MARCHF1: variants seen among roughly 807,000 people sequenced by gnomAD.
MARCHF1 encodes E3 ubiquitin-protein ligase MARCHF1.
MARCHF1 carries 40 observed loss-of-function variants against 54.2 expected under a neutral mutation model. The observed-to-expected ratio is 0.74, with a 90% CI of 0.57 to 0.96. The LOEUF (loss-of-function observed/expected upper bound fraction) is 0.96. MARCHF1 is among the 40% of genes least tolerant of loss of function. The pLI, the probability that MARCHF1 is intolerant of heterozygous loss-of-function variation, is 0.00. For synonymous variants in MARCHF1, 236 were observed against 236.3 expected (o/e 1.00, Z 0.01); for missense variants, 586 against 656.5 (o/e 0.89, Z 1.17).
At chr4:163,585,589 A>G in intron 8 of MARCHF1, 160 bp downstream of exon 8, 1 of 471,882 alleles carries the variant, frequency 2.1e-6, no homozygotes. Context: ...ATTATCTGCA[A>G]ACACTTAGAT....
At chr4:164,069,885 A>G (rs976278459) in intron 2 of MARCHF1, among the ~76,000 whole-genome samples, 1 of 152,218 alleles carries the variant, frequency 6.6e-6, no homozygotes, top group African/African-American at 2.4e-5. Flanking sequence ...TCAATGGTAT[A>G]TTGGATTGAA....
At chr4:164,173,791 T>C (rs1730589694) in intron 1 of MARCHF1, among the ~76,000 whole-genome samples, 1 of 152,196 alleles carries the variant, frequency 6.6e-6, no homozygotes, top group South Asian at 2.1e-4. Flanking sequence ...AGAGCCACAC[T>C]TTCTGTACAG....
chr4:163,691,315 T>C (rs1326926466), intron 5 of MARCHF1, among the ~76,000 whole-genome samples: 1 of 152,182 alleles, frequency 6.6e-6, no homozygotes, highest in African/African-American at 2.4e-5. Flanking sequence ...TCCTGCCCCA[T>C]GTTAGTAGGT....
At chr4:164,181,487 A>T (rs1457022082) in intron 1 of MARCHF1, among the ~76,000 whole-genome samples, 1 of 152,224 alleles carries the variant, frequency 6.6e-6, no homozygotes, top group Non-Finnish European at 1.5e-5. Flanking sequence ...GGGAATAGAC[A>T]AAGAAAAGAC....
chr4:164,312,146 A>G (rs1364714262), intron 1 of MARCHF1, among the ~76,000 whole-genome samples: 1 of 152,084 alleles, frequency 6.6e-6, no homozygotes, highest in African/African-American at 2.4e-5. Flanking sequence ...AAGAATTCTC[A>G]TGTATTCTCA....
chr4:164,232,926 G>C (rs1732453505), intron 1 of MARCHF1, among the ~76,000 whole-genome samples: 1 of 152,086 alleles, frequency 6.6e-6, no homozygotes, highest in Non-Finnish European at 1.5e-5. Flanking sequence ...CAGTGAACAT[G>C]AGTTTTTCTC....
chr4:164,214,447 T>A (rs894960489), intron 1 of MARCHF1, among the ~76,000 whole-genome samples: 1 of 152,108 alleles, frequency 6.6e-6, no homozygotes, highest in Admixed American at 6.5e-5. Flanking sequence ...TATAACTTCA[T>A]TGAATCCCCA....
At chr4:164,005,253 C>T (rs573460750) in intron 2 of MARCHF1, among the ~76,000 whole-genome samples, 32 of 151,894 alleles carry the variant, frequency 2.1e-4, no homozygotes, top group Non-Finnish European at 4.3e-4. Flanking sequence ...AAGTGAAACA[C>T]GAAAACAAAG....
intron 1 of MARCHF1, among the ~76,000 whole-genome samples, chr4:164,344,910 A>G (rs566208111): frequency 6.6e-6 from 1 of 152,180 alleles, no homozygotes; most frequent in Non-Finnish European, 1.5e-5. Context: ...GTTCTTCATA[A>G]CCAAAATCAA....
At chr4:164,193,825 A>G (rs1731184892) in intron 1 of MARCHF1, among the ~76,000 whole-genome samples, 1 of 152,224 alleles carries the variant, frequency 6.6e-6, no homozygotes, top group Non-Finnish European at 1.5e-5. Context: ...TTTGTCAGAT[A>G]ATTTCCAAAG....
intron 1 of MARCHF1, among the ~76,000 whole-genome samples, chr4:164,205,936 A>C (rs1027300155): frequency 6.6e-6 from 1 of 152,210 alleles, no homozygotes; most frequent in Non-Finnish European, 1.5e-5. Flanking sequence ...CTCAAACTGC[A>C]TTAACAATGA....
chr4:163,750,238 G>A (rs1354401646), intron 4 of MARCHF1, among the ~76,000 whole-genome samples: 4 of 152,014 alleles, frequency 2.6e-5, no homozygotes, highest in African/African-American at 7.3e-5. Flanking sequence ...AGGGCCAGGC[G>A]TGGTGGCTCA....
chr4:163,837,791 T>C (rs778401364), intron 4 of MARCHF1, among the ~76,000 whole-genome samples: 2 of 151,992 alleles, frequency 1.3e-5, no homozygotes, highest in Non-Finnish European at 2.9e-5. Context: ...ATCAAAAACA[T>C]GATTACCAAA....
chr4:163,767,013 ATT>A (rs1026688280), intron 4 of MARCHF1, among the ~76,000 whole-genome samples: 1 of 147,578 alleles, frequency 6.8e-6, no homozygotes. Flanking sequence ...ATTAGGACAT[ATT>A]TTTTTCATTA....
chr4:164,086,464 GTTCAATA>G (rs1413983427), intron 2 of MARCHF1, among the ~76,000 whole-genome samples: 2 of 151,918 alleles, frequency 1.3e-5, no homozygotes. Flanking sequence ...ATCACGAAAA[GTTCAATA>G]TGCTTCACTA....
chr4:164,262,731 T>C (rs1733501639), intron 1 of MARCHF1, among the ~76,000 whole-genome samples: 1 of 152,138 alleles, frequency 6.6e-6, no homozygotes, highest in Admixed American at 6.5e-5. Flanking sequence ...GGAAATGCAC[T>C]GGAGACGATG....
chr4:163,793,673 T>G (rs1471115672), intron 4 of MARCHF1, among the ~76,000 whole-genome samples: 1 of 152,112 alleles, frequency 6.6e-6, no homozygotes, highest in South Asian at 2.1e-4. Flanking sequence ...GCCTGGTAGT[T>G]AAAGATTGAC....
At chr4:164,012,861 C>T (rs561648716) in intron 2 of MARCHF1, among the ~76,000 whole-genome samples, 1 of 152,138 alleles carries the variant, frequency 6.6e-6, no homozygotes, top group African/African-American at 2.4e-5. Flanking sequence ...GTTGCCGTGA[C>T]CACAGGCTTT....
chr4:164,328,826 G>A (rs1288900194), intron 1 of MARCHF1, among the ~76,000 whole-genome samples: 3 of 151,958 alleles, frequency 2.0e-5, no homozygotes, highest in South Asian at 2.1e-4. Flanking sequence ...CACCACACCC[G>A]GCCACATGAA....
Sources: gnomAD v4.1 joint callset for allele counts (sites outside exome capture counted in the v4.1 genomes callset) on GRCh38, gnomAD v4.1.1 for gene constraint, MANE v1.5 for transcripts, NCBI Gene and HGNC (gene_info 2026-07-23, HGNC 2026-07-21) for gene names.